LSG1: variants seen among roughly 807,000 people sequenced by gnomAD.
The protein encoded by LSG1 is large subunit GTPase 1 homolog.
LSG1 carries 55 observed loss-of-function variants against 82.6 expected under a neutral mutation model. The ratio of observed to expected loss-of-function variants is 0.67; its 90% CI spans 0.54 to 0.83. LSG1 has a LOEUF of 0.83. LSG1 is among the 40% of genes least tolerant of loss of function. The pLI is 0.00. For missense variants in LSG1, 809 were observed against 807.9 expected (o/e 1.00, Z -0.02); for synonymous variants, 272 against 282.5 (o/e 0.96, Z 0.37).
intron 7 of LSG1, among the ~76,000 whole-genome samples, chr3:194,653,580 G>A (rs972419152): frequency 6.6e-6 from 1 of 152,042 alleles, no homozygotes; most frequent in Non-Finnish European, 1.5e-5. Context: ...GTGAACACAG[G>A]GAGGAGACAA....
intron 5 of LSG1, 135 bp from the exon 6 acceptor site, chr3:194,660,268 T>C (rs1364465178): frequency 1.4e-6 from 1 of 708,604 alleles, no homozygotes; most frequent in Non-Finnish European, 2.5e-6. Flanking sequence ...AAGGTATAAT[T>C]ATTCCCGGTT....
At chr3:194,651,384 G>A in intron 8 of LSG1, 168 bp from the exon 9 acceptor site, 1 of 602,166 alleles carries the variant, frequency 1.7e-6, no homozygotes, top group Non-Finnish European at 3.0e-6. Context: ...CTGTGGTGTG[G>A]GTATATTTAT....
chr3:194,646,315 A>G, intron 11 of LSG1, 72 bp from the exon 12 acceptor site: 1 of 1,102,188 alleles, frequency 9.1e-7, no homozygotes, highest in Non-Finnish European at 1.4e-6. Flanking sequence ...GAGGTGATGT[A>G]GCTTCTATTA....
At chr3:194,665,980 G>A (rs189378479) in intron 4 of LSG1, among the ~76,000 whole-genome samples, 1 of 152,210 alleles carries the variant, frequency 6.6e-6, no homozygotes, top group African/African-American at 2.4e-5. Flanking sequence ...GAAAGGAAAA[G>A]GCCCGGAACT....
chr3:194,669,149 A>T (rs1430020536), intron 2 of LSG1, among the ~76,000 whole-genome samples: 1 of 152,204 alleles, frequency 6.6e-6, no homozygotes, highest in Non-Finnish European at 1.5e-5. Context: ...ATAATAACAC[A>T]TTTATTAGTT....
intron 11 of LSG1, among the ~76,000 whole-genome samples, chr3:194,646,705 G>A (rs369927101): frequency 1.3e-5 from 2 of 152,166 alleles, no homozygotes; most frequent in South Asian, 4.1e-4. Context: ...ATTTTTAGTA[G>A]AGATGGGGTT....
In LSG1 at chr3:194,647,313, T is replaced by C. The variant is rs922217492; in HGVS notation, c.1544-1070A>G. On this transcript the variant is annotated intron_variant, in intron 11 of 13. Transcript: ENST00000265245. ...GGGCCAAAGAAACCATAAATTAACA[T>C]TGGAAAAAATGTGTAGCACATATAA... Among the ~76,000 whole-genome samples the C allele has an allele frequency of 2.6e-5, 4 of 152,230 alleles. No homozygotes were observed. In the East Asian group the frequency reaches 7.7e-4, roughly 29 times the overall value.
At chr3:194,647,971 C>T (rs1357224156) in intron 11 of LSG1, among the ~76,000 whole-genome samples, 1 of 152,082 alleles carries the variant, frequency 6.6e-6, no homozygotes, top group African/African-American at 2.4e-5. Flanking sequence ...CACCTTTCAC[C>T]TTTCTCTGCC....
At chr3:194,660,543 T>C (rs1320623) in intron 5 of LSG1, among the ~76,000 whole-genome samples, 110,710 of 152,116 alleles carry the variant, frequency 0.73, 40,699 homozygotes, top group East Asian at 0.94. Flanking sequence ...CTACTAAATA[T>C]TCAATCCCTA....
At chr3:194,653,475 A>T (rs566338098) in intron 7 of LSG1, among the ~76,000 whole-genome samples, 77 of 151,716 alleles carry the variant, frequency 5.1e-4, no homozygotes, top group Non-Finnish European at 7.4e-4. Context: ...AGATGGTGCC[A>T]CTGCACTCCA....
At chr3:194,653,517 A>C (rs75252889) in intron 7 of LSG1, among the ~76,000 whole-genome samples, 31 of 71,728 alleles carry the variant, frequency 4.3e-4, no homozygotes, top group Admixed American at 5.5e-4. Flanking sequence ...CTGTCTCACA[A>C]AAAAAAAAAA....
intron 10 of LSG1, chr3:194,649,028 T>C (rs912850719): frequency 1.2e-5 from 5 of 426,994 alleles, no homozygotes; most frequent in Non-Finnish European, 2.1e-5. Flanking sequence ...TCATTTAAAA[T>C]AGTAATTTAA....
intron 7 of LSG1, among the ~76,000 whole-genome samples, chr3:194,655,580 AAT>A (rs1718774319): frequency 1.3e-5 from 2 of 152,190 alleles, no homozygotes; most frequent in African/African-American, 4.8e-5. Flanking sequence ...TCTGGTAAAG[AAT>A]ATGTTTTTAT....
intron 5 of LSG1, chr3:194,660,790 A>G (rs376230573): frequency 6.9e-6 from 3 of 435,206 alleles, no homozygotes; most frequent in African/African-American, 4.1e-5. Context: ...TTCTTCCATC[A>G]CGTATAAGAA....
chr3:194,664,364 A>T (rs188161642), intron 5 of LSG1, among the ~76,000 whole-genome samples: 105 of 152,086 alleles, frequency 6.9e-4, no homozygotes, highest in African/African-American at 2.4e-3. Context: ...ATTTCAAAGG[A>T]AAAAAAACCA....
At chr3:194,660,248 T>C (rs1373190254) in intron 5 of LSG1, 115 bp from the exon 6 acceptor site, 2 of 785,334 alleles carry the variant, frequency 2.5e-6, no homozygotes, top group Non-Finnish European at 4.5e-6. Context: ...TGGACATATA[T>C]TAACTTTTTA....
intron 5 of LSG1, among the ~76,000 whole-genome samples, chr3:194,662,267 T>C (rs1461740066): frequency 6.6e-6 from 1 of 152,160 alleles, no homozygotes; most frequent in Non-Finnish European, 1.5e-5. Flanking sequence ...AGCAGAAGGC[T>C]AGGGTTTATT....
chr3:194,670,670 G>C (rs548863247), intron 1 of LSG1, among the ~76,000 whole-genome samples: 1 of 151,994 alleles, frequency 6.6e-6, no homozygotes, highest in Non-Finnish European at 1.5e-5. Flanking sequence ...CTATCTTGCT[G>C]GGGAAAAAAT....
chr3:194,653,023 T>C lies in LSG1; in HGVS notation c.879A>G (p.Ser293=), dbSNP rs748815040. 1.9e-6 allele frequency: 3 copies of C among 1,614,174 alleles called. No homozygotes were observed. The highest frequency in any genetic ancestry group is 2.5e-6 in the Non-Finnish European group (3 of 1,180,030). The change falls in exon 8 of 14, where the codon TCA becomes TCG. Residue 293 remains serine (S), a synonymous_variant. Coordinates refer to ENST00000265245, the MANE Select transcript of LSG1 (RefSeq NM_018385.3). ...CATCCGTTGTGGGATTTTCACTAAG[T>C]GAAGGAGAATCCCTAGCTGGGAGAT... is the stretch of plus-strand genomic sequence containing the variant. ...SEHLPARDSP[S]LSENPTTDED...
Sources: gnomAD v4.1 joint callset for allele counts (sites outside exome capture counted in the v4.1 genomes callset) on GRCh38, gnomAD v4.1.1 for gene constraint, MANE v1.5 for transcripts, NCBI Gene and HGNC (gene_info 2026-07-23, HGNC 2026-07-21) for gene names.